SLC32A1: variants seen among roughly 807,000 people sequenced by gnomAD.
SLC32A1 encodes the protein solute carrier family 32 member 1.
Under a neutral mutation model 35.5 loss-of-function variants are expected in SLC32A1, and 8 were observed. The observed-to-expected ratio is 0.23, with a 90% CI of 0.13 to 0.41. The LOEUF (loss-of-function observed/expected upper bound fraction) is 0.41. Among genes scored for constraint, SLC32A1 ranks in the 10% least tolerant of loss-of-function variants. The pLI is 1.00. For synonymous variants in SLC32A1, 317 were observed against 326.3 expected (o/e 0.97, Z 0.31); for missense variants, 493 against 722.3 (o/e 0.68, Z 3.64).
chr20:38,728,379 G>T lies in SLC32A1; in HGVS notation c.1318G>T (p.Val440Phe). 6.2e-7 allele frequency: 1 copy of T among 1,610,844 alleles called. No individual in the cohort carries two copies. Among genetic ancestry groups the T allele is most frequent in the Non-Finnish European group, 8.5e-7 (1 of 1,178,934 alleles). ...SWGLTLRCAL[V>F]VFTLLMAIYV... is the part of the protein sequence containing the mutation. The stretch of plus-strand genomic sequence containing the variant: ...GGGGCTGACGCTGCGCTGCGCGCTC[G>T]TCGTCTTCACGCTGCTCATGGCCAT... The change falls in exon 2 of 2, where the codon GTC becomes TTC. Residue 440 changes from valine to phenylalanine, a missense_variant. Val to Phe is a conservative substitution (Grantham distance 50). Transcript: ENST00000217420.
Position 38,724,933 on chromosome 20 carries a change from G to C in SLC32A1, c.209G>C (p.Cys70Ser). ...ATCCTGAAAGCCGAGGGAGAGCCCT[G>C]CGGGGACGAGGGCGCTGAAGCGCCC... ...MDILKAEGEP[C>S]GDEGAEAPVE... The change falls in exon 1 of 2, where the codon TGC (cysteine) becomes TCC (serine). Residue 70 changes from cysteine (C) to serine (S), a missense_variant. Cys to Ser is a moderately radical substitution (Grantham distance 112). Transcript: ENST00000217420. The C allele has an allele frequency of 6.2e-7, 1 of 1,611,982 alleles. No homozygotes were observed. Among genetic ancestry groups the C allele is most frequent in the South Asian group, 1.1e-5 (1 of 90,918 alleles).
chr20:38,726,348 A>G lies in SLC32A1; in HGVS notation c.391-1104A>G, dbSNP rs1439831335. Among the ~76,000 whole-genome samples the G allele has an allele frequency of 2.6e-5, 4 of 152,112 alleles. No individual in the cohort carries two copies. The highest frequency in any genetic ancestry group is 6.5e-5 in the Admixed American group (1 of 15,284). On this transcript the variant is annotated intron_variant, in intron 1 of 1. Transcript: ENST00000217420. The surrounding 1 kb of genome is among the most constrained non-coding windows in gnomAD (Gnocchi z 4.7). ...CCCGAACACCAGATGGCCCGACCCA[A>G]GGCGCTTTCCGCTCCGGGGCCCGGC...
rs1367334827 is a variant in SLC32A1, at chr20:38,724,634, G to A, written c.-91G>A. On this transcript the variant is annotated 5_prime_UTR_variant, in exon 1 of 2. The change abolishes the stop of an existing upstream ORF in the 5' untranslated region. Transcript: ENST00000217420. Reference sequence around the variant, plus strand: ...GCCGCGCGGAGAGCAAGCGGAGATAGCGACTTTGCGCCCCCCAGCCCTCGC... The same window carrying A: ...GCCGCGCGGAGAGCAAGCGGAGATAACGACTTTGCGCCCCCCAGCCCTCGC... 9 of 1,475,318 alleles carry A rather than the reference G, an allele frequency of 6.1e-6. No homozygotes were observed. The highest frequency in any genetic ancestry group is 8.1e-6 in the Non-Finnish European group (9 of 1,111,166). 91.4% of individuals were successfully genotyped at this position (1,475,318 alleles called of 1,614,324 possible). A position where few individuals can be genotyped will look rare whatever the true frequency, so the allele number is the denominator to read the frequency against.
In SLC32A1 at chr20:38,728,296, A is replaced by T. The variant is rs1322884888; in HGVS notation, c.1235A>T (p.Glu412Val). The T allele has an allele frequency of 3.7e-6, 6 of 1,613,468 alleles. No homozygotes were observed. In the Admixed American group the frequency reaches 1.0e-4, roughly 27 times the overall value. Reference sequence around the variant, plus strand: ...GTGCTGGAGAAGTCGCTCTTCCAGGAAGGCAGCCGCGCCTTTTTCCCGGCC... The same window carrying T: ...GTGCTGGAGAAGTCGCTCTTCCAGGTAGGCAGCCGCGCCTTTTTCCCGGCC... ...VEVLEKSLFQ[E>V]GSRAFFPACY... Residue 412 changes from glutamate (E) to valine (V), a missense_variant, in exon 2 of 2, where the codon GAA (glutamate) becomes GTA (valine). By Grantham distance (121) the Glu-to-Val change is moderately radical. This residue lies in a region of SLC32A1 where 269 missense variants were observed against 445.6 expected (regional missense o/e 0.60). Coordinates refer to ENST00000217420, the MANE Select transcript of SLC32A1 (RefSeq NM_080552.3).
Position 38,724,829 on chromosome 20 carries a change from G to T in SLC32A1, c.105G>T (p.Ala35=). 1 of 1,613,938 alleles carries T rather than the reference G, an allele frequency of 6.2e-7. No homozygotes were observed. The highest frequency in any genetic ancestry group is 8.5e-7 in the Non-Finnish European group (1 of 1,179,994). The part of the protein sequence containing the change: ...SGMFARMGFQ[A]ATDEEAVGFA... ...TGTTCGCCAGGATGGGTTTTCAGGCGGCCACGGATGAGGAGGCGGTGGGCT... is the reference window on the plus strand; with the variant it reads ...TGTTCGCCAGGATGGGTTTTCAGGCTGCCACGGATGAGGAGGCGGTGGGCT... Residue 35 remains alanine (A), a synonymous_variant, in exon 1 of 2, where the codon GCG becomes GCT. Transcript: ENST00000217420.
At position 38,728,759 on chromosome 20, in the gene SLC32A1, G is replaced by C. The variant is rs2084288475; in HGVS notation, c.*120G>C. 1.9e-6 allele frequency: 1 copy of C among 520,890 alleles called. No individual in the cohort carries two copies. Among genetic ancestry groups the C allele is most frequent in the African/African-American group, 2.0e-5 (1 of 49,850 alleles). 32.3% of individuals were successfully genotyped at this position (520,890 alleles called of 1,614,324 possible). On this transcript the variant is annotated 3_prime_UTR_variant, in exon 2 of 2. Transcript: ENST00000217420. ...GGAGGCCAAGCTTTAAACATCTCTG[G>C]TTCCTAGTTTCTGATTATTCGGGGA...
chr20:38,727,409 A>T (rs372566441), intron 1 of SLC32A1, 43 bp from the exon 2 acceptor site: 23 of 1,579,736 alleles, frequency 1.5e-5, no homozygotes, highest in Non-Finnish European at 2.0e-5. Context: ...TCCGTTGCCA[A>T]GTTCGCTGAG....
chr20:38,727,426 C>T (rs1297669188), intron 1 of SLC32A1, 26 bp from the exon 2 acceptor site: 4 of 1,595,034 alleles, frequency 2.5e-6, no homozygotes, highest in Non-Finnish European at 3.4e-6. Flanking sequence ...TGAGCGTCCG[C>T]GTCTGGTTGC....
Position 38,725,133 on chromosome 20 carries a change from G to T in SLC32A1, c.390+19G>T, listed in dbSNP as rs2084270000. On this transcript the variant is annotated intron_variant, in intron 1 of 1. Transcript: ENST00000217420. Reference sequence around the variant, plus strand: ...CATCCAGGTAAGCGCGGGATTCCCAGTTCTGCCTGTCCTCCCCCCTCCCAG... The same window carrying T: ...CATCCAGGTAAGCGCGGGATTCCCATTTCTGCCTGTCCTCCCCCCTCCCAG... 9 of 1,506,758 alleles carry T rather than the reference G, an allele frequency of 6.0e-6. No individual in the cohort carries two copies. The highest frequency in any genetic ancestry group is 8.0e-6 in the Non-Finnish European group (9 of 1,128,858). 93.3% of individuals were successfully genotyped at this position (1,506,758 alleles called of 1,614,324 possible). A position where few individuals can be genotyped will look rare whatever the true frequency, so the allele number is the denominator to read the frequency against.
rs1453046961 is a variant in SLC32A1 at position 38,726,017 on chromosome 20, G to T, written c.390+903G>T. Among the ~76,000 whole-genome samples, 1 of 152,118 alleles carries T rather than the reference G, an allele frequency of 6.6e-6. No individual in the cohort carries two copies. The highest frequency in any genetic ancestry group is 2.4e-5 in the African/African-American group (1 of 41,426). On this transcript the variant is annotated intron_variant, in intron 1 of 1. Transcript: ENST00000217420. The surrounding 1 kb of genome is among the most constrained non-coding windows in gnomAD (Gnocchi z 4.7). ...AAGCCCTCTCCAGAGGCTAAGAATG[G>T]CCCCTGCTCTCTAGGCCCTCTCCCC... is the stretch of plus-strand genomic sequence containing the variant.
chr20:38,725,656 T>C (rs2084273240), intron 1 of SLC32A1, among the ~76,000 whole-genome samples: 1 of 152,120 alleles, frequency 6.6e-6, no homozygotes, highest in East Asian at 1.9e-4. Flanking sequence ...TATCTATATA[T>C]AGACCACAGT....
At position 38,724,809 on chromosome 20, in the gene SLC32A1, G is replaced by T. The variant is rs759507627; in HGVS notation, c.85G>T (p.Ala29Ser). ...KSQAKMSGMFARMGFQAATDE... is the reference protein window; with the variant it reads ...KSQAKMSGMFSRMGFQAATDE... ...CCAGGCCAAGATGAGCGGCATGTTCGCCAGGATGGGTTTTCAGGCGGCCAC... is the reference window on the plus strand; with the variant it reads ...CCAGGCCAAGATGAGCGGCATGTTCTCCAGGATGGGTTTTCAGGCGGCCAC... The change falls in exon 1 of 2, where the codon GCC becomes TCC. Residue 29 changes from alanine (A) to serine (S), a missense_variant. Ala to Ser is a moderately conservative substitution (Grantham distance 99, BLOSUM62 1). Around this residue, in one of 4 missense-constraint regions of SLC32A1, gnomAD observed 133 missense variants for 145.9 expected, o/e 0.91. Transcript: ENST00000217420. The T allele has an allele frequency of 3.5e-5, 56 of 1,613,848 alleles. No homozygotes were observed. The highest frequency in any genetic ancestry group is 4.4e-5 in the Non-Finnish European group (52 of 1,180,014).
In SLC32A1 at chr20:38,729,144, T is replaced by C. The variant is rs2084290350; in HGVS notation, c.*505T>C. 6.5e-6 allele frequency: 1 copy of C among 154,340 alleles called. No homozygotes were observed. Among genetic ancestry groups the C allele is most frequent in the Middle Eastern group, 3.3e-3 (1 of 300 alleles). The allele number at this position is 154,340 out of a possible 1,614,324, so 9.6% of individuals were successfully genotyped here. On this transcript the variant is annotated 3_prime_UTR_variant, in exon 2 of 2. Transcript: ENST00000217420. ...TGGGAAATCCATTTTGGGTGGGCAA[T>C]TTCCTTCAACGAAGCCGGAAGGCGA... is the stretch of plus-strand genomic sequence containing the variant.
Position 38,728,740 on chromosome 20 carries a change from C to A in SLC32A1, c.*101C>A. 3 of 984,658 alleles carry A rather than the reference C, an allele frequency of 3.0e-6. No individual in the cohort carries two copies. Among genetic ancestry groups the A allele is most frequent in the Non-Finnish European group, 4.3e-6 (3 of 697,770 alleles). The allele number at this position is 984,658 out of a possible 1,614,324, so 61.0% of individuals were successfully genotyped here. On this transcript the variant is annotated 3_prime_UTR_variant, in exon 2 of 2. Transcript: ENST00000217420. ...CGCCCTGCCGCCGCGCTTGGGAGGC[C>A]AAGCTTTAAACATCTCTGGTTCCTA...
At position 38,726,748 on chromosome 20, in the gene SLC32A1, A is replaced by G. The variant is rs2084277607; in HGVS notation, c.391-704A>G. Among the ~76,000 whole-genome samples the G allele has an allele frequency of 1.3e-5, 2 of 151,504 alleles. No individual in the cohort carries two copies. The highest frequency in any genetic ancestry group is 1.3e-4 in the Admixed American group (2 of 15,248). On this transcript the variant is annotated intron_variant, in intron 1 of 1. Coordinates refer to ENST00000217420, the MANE Select transcript of SLC32A1 (RefSeq NM_080552.3). The surrounding 1 kb of genome is among the most constrained non-coding windows in gnomAD (Gnocchi z 4.7). ...ACTCCAGCCTTGTCCTAAGACTCTCAATTTCCAGCCCTGCTTCCTCCTCCC... is the reference window on the plus strand; with the variant it reads ...ACTCCAGCCTTGTCCTAAGACTCTCGATTTCCAGCCCTGCTTCCTCCTCCC...
chr20:38,725,257 C>CG, intron 1 of SLC32A1, 143 bp downstream of exon 1: 1 of 1,114,112 alleles, frequency 9.0e-7, no homozygotes. Flanking sequence ...TCCCTCCCAG[C>CG]CCTGCGCGGG....
Position 38,724,623 on chromosome 20 carries a change from A to T in SLC32A1, c.-102A>T. On this transcript the variant is annotated 5_prime_UTR_variant, in exon 1 of 2. It introduces an in-frame stop codon into an upstream open reading frame of the 5' UTR. Transcript: ENST00000217420. ...AGCCCCGGGGCGCCGCGCGGAGAGC[A>T]AGCGGAGATAGCGACTTTGCGCCCC... 1 of 1,413,024 alleles carries T rather than the reference A, an allele frequency of 7.1e-7. No homozygotes were observed. The highest frequency in any genetic ancestry group is 9.4e-7 in the Non-Finnish European group (1 of 1,061,024). 87.5% of individuals were successfully genotyped at this position (1,413,024 alleles called of 1,614,324 possible). A position where few individuals can be genotyped will look rare whatever the true frequency, so the allele number is the denominator to read the frequency against.
At chr20:38,725,237 C>G in intron 1 of SLC32A1, 123 bp downstream of exon 1, 2 of 1,255,974 alleles carry the variant, frequency 1.6e-6, no homozygotes, top group Non-Finnish European at 1.1e-6. Context: ...CAGGAATCTC[C>G]CTTTCTCCAT....
In SLC32A1 at chr20:38,727,718, C is replaced by A. The variant is rs150170740; in HGVS notation, c.657C>A (p.Ile219=). ...TCATCGAGCTGGTGATGACGTGCATCCTGTACGTGGTGGTGAGTGGCAACC... is the reference window on the plus strand; with the variant it reads ...TCATCGAGCTGGTGATGACGTGCATACTGTACGTGGTGGTGAGTGGCAACC... ...AQIIELVMTC[I]LYVVVSGNLM... is the part of the protein sequence containing the mutation. The change falls in exon 2 of 2, where the codon ATC becomes ATA. Residue 219 remains isoleucine, a synonymous_variant. Transcript: ENST00000217420. 50 of 1,614,104 alleles carry A rather than the reference C, an allele frequency of 3.1e-5. No individual in the cohort carries two copies. Among genetic ancestry groups the A allele is most frequent in the Non-Finnish European group, 4.2e-5 (49 of 1,180,060 alleles).
Sources: gnomAD v4.1 joint callset for allele counts (sites outside exome capture counted in the v4.1 genomes callset) on GRCh38, gnomAD v4.1.1 for gene constraint, gnomAD v4.1.1 regional missense constraint, Gnocchi (gnomAD v3.1) non-coding constraint, MANE v1.5 for transcripts, NCBI Gene and HGNC (gene_info 2026-07-23, HGNC 2026-07-21) for gene names.